The following XKR4 variants were observed in gnomAD, a reference collection of about 807,000 sequenced individuals.
The protein encoded by XKR4 is XK related 4, also known as XK-related protein 4.
In XKR4, 12 loss-of-function variants were observed where a neutral mutation model predicts 53.9. That is an observed-to-expected ratio of 0.22 (90% CI 0.14 to 0.36). The LOEUF is 0.36. XKR4 is among the 10% of genes least tolerant of loss of function. XKR4 has a pLI of 1.00. For synonymous variants in XKR4, 354 were observed against 362.4 expected, an observed-to-expected ratio of 0.98 and a Z score of 0.26; for missense variants, 799 against 859.5, an observed-to-expected ratio of 0.93 and a Z score of 0.88.
rs1803736269 is a variant in XKR4, at chr8:55,352,360, A to G, written c.807-5318A>G. On this transcript the variant is annotated intron_variant, in intron 1 of 2. Transcript: ENST00000327381. ...AGGGAGTGTTTCAATGAGTGTGGGA[A>G]CATAGAATATGGGATAGGGCATAGA... Among the ~76,000 whole-genome samples, 3 of 152,256 alleles carry G rather than the reference A, an allele frequency of 2.0e-5. No homozygotes were observed. The South Asian group carries it at 6.2e-4, about 31-fold the overall frequency.
At chr8:55,418,936 T>C (rs982453491) in intron 2 of XKR4, among the ~76,000 whole-genome samples, 5 of 152,134 alleles carry the variant, frequency 3.3e-5, no homozygotes, top group Non-Finnish European at 5.9e-5. Context: ...TTTCCCATAC[T>C]TTTGTTCTTT....
At chr8:55,277,718 C>A (rs1818783863) in intron 1 of XKR4, among the ~76,000 whole-genome samples, 1 of 152,168 alleles carries the variant, frequency 6.6e-6, no homozygotes, top group African/African-American at 2.4e-5. Flanking sequence ...TCAACCTGTA[C>A]TTACATACAC....
intron 1 of XKR4, among the ~76,000 whole-genome samples, chr8:55,318,810 G>T (rs571508614): frequency 2.0e-5 from 3 of 152,270 alleles, no homozygotes; most frequent in East Asian, 1.9e-4. Flanking sequence ...ATAAGACAGT[G>T]CTTCCAACTT....
At chr8:55,210,362 G>T (rs1817713916) in intron 1 of XKR4, among the ~76,000 whole-genome samples, 1 of 152,084 alleles carries the variant, frequency 6.6e-6, no homozygotes, top group Admixed American at 6.5e-5. Context: ...GGAATTACAG[G>T]CATGAACCAC....
chr8:55,527,207 C>T lies in XKR4; in HGVS notation c.*2980C>T, dbSNP rs199990786. On this transcript the variant is annotated 3_prime_UTR_variant, in exon 3 of 3. Coordinates refer to ENST00000327381, the MANE Select transcript of XKR4 (RefSeq NM_052898.2). ...GAGACATCATCAGTGTACAAAGAAA[C>T]AAAGTTTCATTTTTGTATTTATATT... is the stretch of plus-strand genomic sequence containing the variant. The T allele has an allele frequency of 2.0e-5, 2 of 99,240 alleles. No homozygotes were observed. Among genetic ancestry groups the T allele is most frequent in the Non-Finnish European group, 5.2e-5 (2 of 38,354 alleles). The allele number at this position is 99,240 out of a possible 1,614,324, so 6.1% of individuals were successfully genotyped here. A position where few individuals can be genotyped will look rare whatever the true frequency, so the allele number is the denominator to read the frequency against.
At chr8:55,509,014 G>A (rs552827319) in intron 2 of XKR4, among the ~76,000 whole-genome samples, 4 of 152,300 alleles carry the variant, frequency 2.6e-5, no homozygotes, top group East Asian at 1.9e-4. Context: ...ATAGCTGAAT[G>A]TCAATGTATA....
chr8:55,309,245 CA>C (rs1305595699), intron 1 of XKR4, among the ~76,000 whole-genome samples: 27 of 152,128 alleles, frequency 1.8e-4, no homozygotes, highest in Non-Finnish European at 2.1e-4. Flanking sequence ...GAAAAAGCAC[CA>C]ACACTCACAA....
Position 55,540,914 on chromosome 8 carries a change from C to T in XKR4, c.*16687C>T, listed in dbSNP as rs1014870078. On this transcript the variant is annotated 3_prime_UTR_variant, in exon 3 of 3. Coordinates refer to ENST00000327381, the MANE Select transcript of XKR4 (RefSeq NM_052898.2). ...AACTTCGTCTGTACTAACATCCTAC[C>T]AAGCAGATTGGAAACAAATACTACT... The T allele has an allele frequency of 2.0e-5, 3 of 152,116 alleles. No homozygotes were observed. The highest frequency in any genetic ancestry group is 7.2e-5 in the African/African-American group (3 of 41,424). The allele number at this position is 152,116 out of a possible 1,614,324, so 9.4% of individuals were successfully genotyped here.
At chr8:55,193,744 T>C (rs1817472301) in intron 1 of XKR4, among the ~76,000 whole-genome samples, 1 of 152,158 alleles carries the variant, frequency 6.6e-6, no homozygotes, top group African/African-American at 2.4e-5. Context: ...CCCCGTGGGG[T>C]GAAGCCCCCT....
At chr8:55,312,321 C>T (rs1162138433) in intron 1 of XKR4, among the ~76,000 whole-genome samples, 1 of 151,956 alleles carries the variant, frequency 6.6e-6, no homozygotes, top group East Asian at 1.9e-4. Flanking sequence ...TCATAGTTGC[C>T]AACTTATAAT....
chr8:55,431,990 T>C (rs1422534425), intron 2 of XKR4, among the ~76,000 whole-genome samples: 2 of 152,190 alleles, frequency 1.3e-5, no homozygotes, highest in African/African-American at 2.4e-5. Context: ...TCTTTCTTCA[T>C]GGACTGGAAA....
intron 2 of XKR4, among the ~76,000 whole-genome samples, chr8:55,431,930 G>A: frequency 6.6e-6 from 1 of 152,120 alleles, no homozygotes; most frequent in Admixed American, 6.5e-5. Flanking sequence ...ATCCAATCCT[G>A]CTCACATAAT....
At chr8:55,250,519 A>G (rs1409483524) in intron 1 of XKR4, among the ~76,000 whole-genome samples, 1 of 152,176 alleles carries the variant, frequency 6.6e-6, no homozygotes, top group East Asian at 1.9e-4. Flanking sequence ...TGTGTTCCCT[A>G]ACTCCTACAA....
At chr8:55,490,544 T>C (rs1354761627) in intron 2 of XKR4, among the ~76,000 whole-genome samples, 2 of 152,254 alleles carry the variant, frequency 1.3e-5, no homozygotes, top group East Asian at 3.9e-4. Flanking sequence ...CCTGCAGATG[T>C]ACCCTCTAAA....
intron 1 of XKR4, among the ~76,000 whole-genome samples, chr8:55,345,400 T>TA: frequency 6.6e-6 from 1 of 152,360 alleles, no homozygotes; most frequent in South Asian, 2.1e-4. Context: ...TGTGTAAGCT[T>TA]ACAATGCCAT....
Position 55,289,775 on chromosome 8 carries a change from AAGAG to A in XKR4, c.807-67900_807-67897del, listed in dbSNP as rs1442350082. On this transcript the variant is annotated intron_variant, in intron 1 of 2. Transcript: ENST00000327381. ...AGAAAGAAAGAGAGAAAGAAAGAGA[AAGAG>A]AGGGAGGGGGAGAGAGAGAGAGAAA... Among the ~76,000 whole-genome samples the A allele has an allele frequency of 9.4e-5, 14 of 148,590 alleles. No individual in the cohort carries two copies. The East Asian group carries it at 1.6e-3, about 17-fold the overall frequency.
At chr8:55,424,299 C>T (rs1804979680) in intron 2 of XKR4, among the ~76,000 whole-genome samples, 1 of 152,196 alleles carries the variant, frequency 6.6e-6, no homozygotes, top group Admixed American at 6.5e-5. Context: ...GGCAGGGTGC[C>T]AAGTAGACCA....
intron 2 of XKR4, among the ~76,000 whole-genome samples, chr8:55,369,562 A>AAGGGAGGG (rs1244620267): frequency 8.9e-6 from 1 of 112,944 alleles, no homozygotes; most frequent in Non-Finnish European, 1.8e-5. Flanking sequence ...AAAGGGAAGG[A>AAGGGAGGG]AGGGAGGGAG....
intron 1 of XKR4, among the ~76,000 whole-genome samples, chr8:55,107,215 A>G (rs531445188): frequency 2.7e-4 from 41 of 152,102 alleles, no homozygotes; most frequent in Admixed American, 3.3e-4. Flanking sequence ...TAGTATCTGT[A>G]TATGTGAGAC....
Sources: gnomAD v4.1 joint callset for allele counts (sites outside exome capture counted in the v4.1 genomes callset) on GRCh38, gnomAD v4.1.1 for gene constraint, MANE v1.5 for transcripts, NCBI Gene and HGNC (gene_info 2026-07-23, HGNC 2026-07-21) for gene names.